The following ADAT1 variants were observed in gnomAD, a reference collection of about 807,000 sequenced individuals.
ADAT1 encodes the protein adenosine deaminase tRNA specific 1.
In ADAT1, 58 loss-of-function variants were observed where a neutral mutation model predicts 58.6. That is an observed-to-expected ratio of 0.99 (90% confidence interval 0.80 to 1.23). The LOEUF (loss-of-function observed/expected upper bound fraction) is 1.23. Among genes scored for constraint, ADAT1 ranks in the 50% most tolerant of loss-of-function variants. The pLI, the probability that ADAT1 is intolerant of heterozygous loss-of-function variation, is 0.00. For missense variants in ADAT1, 741 were observed against 608.6 expected, an observed-to-expected ratio of 1.22 and a Z score of -2.29; for synonymous variants, 254 against 220.8, an observed-to-expected ratio of 1.15 and a Z score of -1.33.
At chr16:75,615,051 C>T (rs1241628045) in intron 5 of ADAT1, among the ~76,000 whole-genome samples, 1 of 151,958 alleles carries the variant, frequency 6.6e-6, no homozygotes, top group Non-Finnish European at 1.5e-5. Flanking sequence ...GTGGTGAAAC[C>T]CTGTTTCTAC....
intron 5 of ADAT1, 112 bp from the exon 6 acceptor site, chr16:75,612,973 T>C (rs2081595180): frequency 6.1e-6 from 8 of 1,322,222 alleles, no homozygotes; most frequent in Non-Finnish European, 8.2e-6. Flanking sequence ...GGACCCACAG[T>C]AGACCTGCTG....
At chr16:75,620,540 A>T (rs1181242646) in intron 2 of ADAT1, 91 bp downstream of exon 2, 1 of 1,505,008 alleles carries the variant, frequency 6.6e-7, no homozygotes, top group Non-Finnish European at 9.1e-7. Context: ...CGTAGTTCAC[A>T]CCCTACCCAC....
intron 4 of ADAT1, 116 bp downstream of exon 4, chr16:75,618,470 C>T (rs1178364791): frequency 1.7e-6 from 1 of 589,992 alleles, no homozygotes; most frequent in Non-Finnish European, 2.8e-6. Flanking sequence ...CATGCCACTG[C>T]ACTCCAGCCT....
chr16:75,617,745 G>T (rs1457174942), intron 4 of ADAT1, among the ~76,000 whole-genome samples: 1 of 151,500 alleles, frequency 6.6e-6, no homozygotes, highest in Admixed American at 6.6e-5. Context: ...AGCAATCTGG[G>T]TTTTAACAAG....
Position 75,612,647 on chromosome 16 carries a change from A to G in ADAT1, c.639T>C (p.Ala213=). ...TAAREVTNGA[A]HHQSFGKQKS... ...TCTGCTTGCCAAAACTCTGATGGTG[A>G]GCTGCTCCGTTGGTGACCTCCCTGG... Residue 213 remains alanine, a synonymous_variant, in exon 6 of 10, where the codon GCT becomes GCC. Coordinates refer to ENST00000564657, the MANE Select transcript of ADAT1 (RefSeq NM_001324445.2). The G allele has an allele frequency of 6.2e-7, 1 of 1,613,990 alleles. No homozygotes were observed. The highest frequency in any genetic ancestry group is 1.1e-5 in the South Asian group (1 of 91,078).
intron 8 of ADAT1, among the ~76,000 whole-genome samples, chr16:75,607,722 C>G (rs1300545671): frequency 6.6e-6 from 1 of 152,120 alleles, no homozygotes; most frequent in Non-Finnish European, 1.5e-5. Context: ...TAACACTACT[C>G]CTAGGTATAC....
At chr16:75,607,108 T>C (rs1400121338) in intron 8 of ADAT1, among the ~76,000 whole-genome samples, 1 of 151,748 alleles carries the variant, frequency 6.6e-6, no homozygotes, top group Admixed American at 6.6e-5. Flanking sequence ...CGGGCATCTG[T>C]AGTCCCAGCT....
chr16:75,606,380 G>C (rs1351089961), intron 8 of ADAT1, among the ~76,000 whole-genome samples: 4 of 152,194 alleles, frequency 2.6e-5, no homozygotes. Context: ...TAATAGGGCT[G>C]ATCTGAATAA....
At chr16:75,611,182 T>C (rs1432480531) in intron 6 of ADAT1, among the ~76,000 whole-genome samples, 3 of 152,156 alleles carry the variant, frequency 2.0e-5, no homozygotes, top group Admixed American at 2.0e-4. Context: ...TGGCAATGTA[T>C]GTGCACTGTA....
At chr16:75,612,222 G>A (rs374107561) in intron 6 of ADAT1, 21 bp downstream of exon 6, 41 of 1,605,716 alleles carry the variant, frequency 2.6e-5, no homozygotes, top group Non-Finnish European at 3.2e-5. Flanking sequence ...TGTTCCAATT[G>A]AGCCCTCCCT....
intron 8 of ADAT1, among the ~76,000 whole-genome samples, chr16:75,607,109 A>T (rs774804773): frequency 3.3e-5 from 5 of 152,000 alleles, no homozygotes; most frequent in Admixed American, 6.6e-5. Flanking sequence ...GGGCATCTGT[A>T]GTCCCAGCTA....
At chr16:75,601,597 C>T (rs75962414) in intron 9 of ADAT1, among the ~76,000 whole-genome samples, 3 of 150,664 alleles carry the variant, frequency 2.0e-5, no homozygotes, top group African/African-American at 7.3e-5. Flanking sequence ...TCCCTACTAA[C>T]TATACCAAAA....
At chr16:75,612,936 G>A in intron 5 of ADAT1, 75 bp from the exon 6 acceptor site, 3 of 1,521,358 alleles carry the variant, frequency 2.0e-6, no homozygotes, top group Non-Finnish European at 2.6e-6. Context: ...GGATCTCTTG[G>A]GAATTCATCA....
chr16:75,620,874 T>C, intron 1 of ADAT1, 54 bp from the exon 2 acceptor site: 1 of 1,461,852 alleles, frequency 6.8e-7, no homozygotes. Context: ...CAGTGCACGA[T>C]GCTACAGCCT....
At chr16:75,605,937 C>CAAAA (rs972557653) in intron 8 of ADAT1, among the ~76,000 whole-genome samples, 4 of 75,036 alleles carry the variant, frequency 5.3e-5, no homozygotes, top group African/African-American at 9.9e-5. Flanking sequence ...AACTCTGTCT[C>CAAAA]AAAAAAAAAA....
At chr16:75,621,120 G>A (rs2081920049) in intron 1 of ADAT1, among the ~76,000 whole-genome samples, 1 of 151,942 alleles carries the variant, frequency 6.6e-6, no homozygotes, top group South Asian at 2.1e-4. Flanking sequence ...AAGGACACGA[G>A]AAGGAAATGT....
chr16:75,608,864 G>A lies in ADAT1; in HGVS notation c.1168C>T (p.Arg390Ter), dbSNP rs778703472. ...VQAKRADSPGRLVPCGAAISW... is the reference protein window; with the variant it reads ...VQAKRADSPG Reference sequence around the variant, plus strand: ...TTACCTGCCCCACAAGGAACAAGTCGACCTGGGCTATCAGCCCTTTTTGCC... The same window carrying A: ...TTACCTGCCCCACAAGGAACAAGTCAACCTGGGCTATCAGCCCTTTTTGCC... Residue 390 changes from arginine to a stop codon, truncating the protein, a stop_gained, in exon 7 of 10, where the codon CGA becomes TGA. Coordinates refer to ENST00000564657, the MANE Select transcript of ADAT1 (RefSeq NM_001324445.2). LOFTEE classifies it high-confidence loss of function. 49 of 1,613,972 alleles carry A rather than the reference G, an allele frequency of 3.0e-5. No individual in the cohort carries two copies. Among genetic ancestry groups the A allele is most frequent in the Non-Finnish European group, 4.0e-5 (47 of 1,179,964 alleles).
Position 75,608,234 on chromosome 16 carries a change from G to A in ADAT1, c.1279C>T (p.Leu427Phe), listed in dbSNP as rs1191567380. The A allele has an allele frequency of 1.2e-6, 2 of 1,613,936 alleles. No homozygotes were observed. Among genetic ancestry groups the A allele is most frequent in the Admixed American group, 1.7e-5 (1 of 60,016 alleles). The change falls in exon 8 of 10, where the codon CTT becomes TTT. Residue 427 changes from leucine to phenylalanine, a missense_variant. Transcript: ENST00000564657. ...QGTTKKTIGS[L>F]QARSQISKVE... ...CCCAATATGCTGTACCTTGCCTGAA[G>A]GCTTCCAATTGTTTTCTTTGTTGTT...
chr16:75,606,510 G>A (rs946155364), intron 8 of ADAT1, among the ~76,000 whole-genome samples: 1 of 152,208 alleles, frequency 6.6e-6, no homozygotes, highest in African/African-American at 2.4e-5. Context: ...GAGTCGTGAA[G>A]CTGAATACTC....
Sources: gnomAD v4.1 joint callset for allele counts (sites outside exome capture counted in the v4.1 genomes callset) on GRCh38, gnomAD v4.1.1 for gene constraint, MANE v1.5 for transcripts, NCBI Gene and HGNC (gene_info 2026-07-23, HGNC 2026-07-21) for gene names.